The following FAR1 variants were observed in gnomAD, a reference collection of about 807,000 sequenced individuals.
FAR1 encodes the protein fatty acyl-CoA reductase 1.
A neutral mutation model predicts 61.1 loss-of-function variants in FAR1; 22 were observed. The ratio of observed to expected loss-of-function variants is 0.36; its 90% CI spans 0.26 to 0.51. The LOEUF is 0.51. Ranked by LOEUF, FAR1 falls within the 20% of genes least tolerant of loss-of-function variation. The probability of loss-of-function intolerance (pLI) is 0.95; values close to 1 mark genes in which losing one functional copy is unlikely to be tolerated. For synonymous variants in FAR1, 206 were observed against 209.7 expected, an observed-to-expected ratio of 0.98 and a Z score of 0.15; for missense variants, 359 against 626.9, an observed-to-expected ratio of 0.57 and a Z score of 4.56.
chr11:13,714,545 T>C lies in FAR1; in HGVS notation c.992T>C (p.Leu331Pro). ...HVISTFKRNPLEQAFRRPNVN... is the reference protein window; with the variant it reads ...HVISTFKRNPPEQAFRRPNVN... The stretch of plus-strand genomic sequence containing the variant: ...ATTTCCACTTTCAAGAGGAATCCTC[T>C]CGAACAGGCCTTCAGACGGCCCAAT... Residue 331 changes from leucine (L) to proline (P), a missense_variant, in exon 9 of 12, where the codon CTC becomes CCC. Leu to Pro is a moderately conservative substitution (Grantham distance 98, BLOSUM62 -3). This residue lies in a region of FAR1 where 344 missense variants were observed against 570.3 expected (regional missense o/e 0.60). Transcript: ENST00000354817. 1 of 1,612,570 alleles carries C rather than the reference T, an allele frequency of 6.2e-7. No homozygotes were observed. Among genetic ancestry groups the C allele is most frequent in the Non-Finnish European group, 8.5e-7 (1 of 1,179,432 alleles).
At chr11:13,697,797 T>G (rs2134182121) in intron 2 of FAR1, among the ~76,000 whole-genome samples, 1 of 152,276 alleles carries the variant, frequency 6.6e-6, no homozygotes, top group South Asian at 2.1e-4. Context: ...AGTCATTCCT[T>G]AGGTTCCTTT....
chr11:13,688,601 T>C (rs541411755), intron 1 of FAR1, among the ~76,000 whole-genome samples: 188 of 152,350 alleles, frequency 1.2e-3, no homozygotes, highest in Admixed American at 3.7e-3. Context: ...GAAAACTTTC[T>C]GGTGCCTGGT....
At chr11:13,683,102 A>G (rs1308960841) in intron 1 of FAR1, among the ~76,000 whole-genome samples, 1 of 152,176 alleles carries the variant, frequency 6.6e-6, no homozygotes, top group Non-Finnish European at 1.5e-5. Context: ...GAATTAATTA[A>G]ATAATGACAG....
At chr11:13,724,003 A>G (rs539563348) in intron 10 of FAR1, among the ~76,000 whole-genome samples, 2 of 152,340 alleles carry the variant, frequency 1.3e-5, no homozygotes, top group East Asian at 1.9e-4. Flanking sequence ...GCCATCTATT[A>G]CTTGAGCTAG....
chr11:13,711,903 G>T, intron 6 of FAR1, 25 bp from the exon 7 acceptor site: 1 of 1,588,074 alleles, frequency 6.3e-7, no homozygotes. Flanking sequence ...TATATCTTAA[G>T]GTGTTGTTTT....
chr11:13,705,676 GA>G (rs944741701), intron 3 of FAR1, among the ~76,000 whole-genome samples: 28 of 150,190 alleles, frequency 1.9e-4, no homozygotes, highest in African/African-American at 5.4e-4. Context: ...AATTAAGGAA[GA>G]AAAAAAAATG....
At position 13,712,956 on chromosome 11, in the gene FAR1, G is replaced by A. The variant is rs774555742; in HGVS notation, c.888-10G>A. The A allele has an allele frequency of 1.2e-6, 2 of 1,611,120 alleles. No homozygotes were observed. Among genetic ancestry groups the A allele is most frequent in the East Asian group, 2.2e-5 (1 of 44,778 alleles). ...ATTATGATTAATTGGTTTCATCTTT[G>A]TCTTTGCAGACCAAGAAACATCATG... On this transcript the variant is annotated splice_polypyrimidine_tract_variant and intron_variant, in intron 7 of 11. Transcript: ENST00000354817.
intron 8 of FAR1, among the ~76,000 whole-genome samples, chr11:13,713,935 G>T (rs1463654161): frequency 6.6e-6 from 1 of 152,014 alleles, no homozygotes; most frequent in East Asian, 1.9e-4. Flanking sequence ...TTTAGTAAAA[G>T]CTGAAATTGA....
chr11:13,723,534 A>G (rs1240119408), intron 10 of FAR1, among the ~76,000 whole-genome samples: 7 of 152,068 alleles, frequency 4.6e-5, no homozygotes, highest in Non-Finnish European at 1.0e-4. Context: ...TCACTATGAT[A>G]GTGGGTGTAA....
intron 9 of FAR1, among the ~76,000 whole-genome samples, chr11:13,716,282 A>T (rs1457329406): frequency 1.3e-5 from 2 of 152,260 alleles, no homozygotes; most frequent in Non-Finnish European, 2.9e-5. Flanking sequence ...TAAAAAAATA[A>T]GTGAATAGCT....
chr11:13,684,272 A>C (rs963117813), intron 1 of FAR1, among the ~76,000 whole-genome samples: 4 of 151,916 alleles, frequency 2.6e-5, no homozygotes, highest in African/African-American at 9.7e-5. Context: ...AAATGGAATG[A>C]ATTTAAGTAA....
At chr11:13,677,683 T>C (rs1200908194) in intron 1 of FAR1, among the ~76,000 whole-genome samples, 2 of 152,216 alleles carry the variant, frequency 1.3e-5, no homozygotes. Flanking sequence ...TGAGGACCCT[T>C]AGAACAGTGC....
At chr11:13,675,477 T>C (rs186471608) in intron 1 of FAR1, among the ~76,000 whole-genome samples, 1 of 152,340 alleles carries the variant, frequency 6.6e-6, no homozygotes, top group East Asian at 1.9e-4. Flanking sequence ...TATCTCTCTA[T>C]CTTTATCTTT....
chr11:13,700,508 TATATA>T lies in FAR1; in HGVS notation c.365+21_365+25del, dbSNP rs1453669862. ...AAAATTTAAGGTAAGTACAAGTAAT[TATATA>T]ATATTTGAACTTCAGTATAGTTATT... On this transcript the variant is annotated intron_variant, in intron 3 of 11. Coordinates refer to ENST00000354817, the MANE Select transcript of FAR1 (RefSeq NM_032228.6). The T allele has an allele frequency of 7.2e-7, 1 of 1,392,572 alleles. No homozygotes were observed. Among genetic ancestry groups the T allele is most frequent in the Non-Finnish European group, 9.6e-7 (1 of 1,040,436 alleles). 86.3% of individuals were successfully genotyped at this position (1,392,572 alleles called of 1,614,324 possible). A position where few individuals can be genotyped will look rare whatever the true frequency, so the allele number is the denominator to read the frequency against.
chr11:13,695,002 T>C, intron 2 of FAR1, 48 bp downstream of exon 2: 1 of 1,478,008 alleles, frequency 6.8e-7, no homozygotes, highest in Non-Finnish European at 9.1e-7. Context: ...AGCGTGTGCT[T>C]GTGTATATAA....
chr11:13,686,252 C>T (rs1472934284), intron 1 of FAR1, among the ~76,000 whole-genome samples: 1 of 152,158 alleles, frequency 6.6e-6, no homozygotes, highest in East Asian at 1.9e-4. Flanking sequence ...CCCTTTCTTC[C>T]CTTAACTATG....
At chr11:13,702,637 TTTA>T (rs1848389132) in intron 3 of FAR1, among the ~76,000 whole-genome samples, 1 of 152,196 alleles carries the variant, frequency 6.6e-6, no homozygotes, top group African/African-American at 2.4e-5. Flanking sequence ...AGTTCTGGCT[TTTA>T]TTATTTCCTT....
chr11:13,703,237 G>A (rs1418403022), intron 3 of FAR1, among the ~76,000 whole-genome samples: 2 of 152,192 alleles, frequency 1.3e-5, no homozygotes, highest in African/African-American at 4.8e-5. Context: ...GGCTGAGAGT[G>A]CAGTGACACA....
intron 9 of FAR1, chr11:13,720,002 A>C (rs572980737): frequency 6.6e-6 from 1 of 152,358 alleles, no homozygotes; most frequent in African/African-American, 2.4e-5. Flanking sequence ...GTGATGGTGC[A>C]AAGTTTTACA....
Sources: gnomAD v4.1 joint callset for allele counts (sites outside exome capture counted in the v4.1 genomes callset) on GRCh38, gnomAD v4.1.1 for gene constraint, gnomAD v4.1.1 regional missense constraint, MANE v1.5 for transcripts, NCBI Gene and HGNC (gene_info 2026-07-23, HGNC 2026-07-21) for gene names.